The following ZNF728 variants were observed in gnomAD, a reference collection of about 807,000 sequenced individuals.
ZNF728 encodes the protein zinc finger protein 728.
ZNF728 carries 12 observed loss-of-function variants against 12.5 expected under a neutral mutation model. The ratio of observed to expected loss-of-function variants is 0.96; its 90% CI spans 0.61 to 1.55. The LOEUF is 1.55. Among genes scored for constraint, ZNF728 ranks in the 40% most tolerant of loss-of-function variants. The pLI is 0.00. For missense variants in ZNF728, 692 were observed against 719.2 expected (o/e 0.96, Z 0.43); for synonymous variants, 205 against 240.7 (o/e 0.85, Z 1.37).
intron 3 of ZNF728, among the ~76,000 whole-genome samples, chr19:22,980,298 T>TG (rs1968849008): frequency 6.6e-6 from 1 of 150,494 alleles, no homozygotes; most frequent in Non-Finnish European, 1.5e-5. Context: ...CATTACATAA[T>TG]GGTAAAGGGG....
chr19:22,987,290 G>A lies in ZNF728; in HGVS notation c.226+18C>T, dbSNP rs757241409. 8.2e-5 allele frequency: 131 copies of A among 1,607,164 alleles called. No homozygotes were observed. The highest frequency in any genetic ancestry group is 1.0e-4 in the Non-Finnish European group (123 of 1,176,412). The stretch of plus-strand genomic sequence containing the variant: ...TTTGGACCTCTCATCCATGTTGTCT[G>A]TATTCATTCTCACCTACCTGGCGGT... On this transcript the variant is annotated intron_variant, in intron 3 of 3. Coordinates refer to ENST00000594710, the MANE Select transcript of ZNF728 (RefSeq NM_001267716.2).
chr19:22,989,484 A>C (rs1251157762), intron 1 of ZNF728, among the ~76,000 whole-genome samples: 1 of 152,174 alleles, frequency 6.6e-6, no homozygotes, highest in Non-Finnish European at 1.5e-5. Flanking sequence ...CTGCATAAAG[A>C]TACTTAACGA....
At chr19:22,999,884 A>C (rs867988972) in intron 1 of ZNF728, among the ~76,000 whole-genome samples, 1 of 152,196 alleles carries the variant, frequency 6.6e-6, no homozygotes, top group Admixed American at 6.5e-5. Flanking sequence ...TAGCAAGTTT[A>C]CCCTGCAAAA....
In ZNF728 at chr19:22,976,201, C is replaced by T. The variant is rs1416476547; in HGVS notation, c.1136G>A (p.Trp379Ter). Reference sequence around the variant, plus strand: ...CTTGTGTTCAGTAAGGCTTGAGGGCCAGCTGAAGGCTTTGCCACATTCTTC... The same window carrying T: ...CTTGTGTTCAGTAAGGCTTGAGGGCTAGCTGAAGGCTTTGCCACATTCTTC... ...KCEECGKAFS[W>*]PSSLTEHKRI... is the part of the protein sequence containing the mutation. The change falls in exon 4 of 4, where the codon TGG becomes TAG. Residue 379 changes from tryptophan (W) to a stop codon, truncating the protein, a stop_gained. Coordinates refer to ENST00000594710, the MANE Select transcript of ZNF728 (RefSeq NM_001267716.2). LOFTEE classifies it low-confidence loss of function (END_TRUNC). 7 of 1,610,916 alleles carry T rather than the reference C, an allele frequency of 4.3e-6. No homozygotes were observed. The highest frequency in any genetic ancestry group is 5.1e-6 in the Non-Finnish European group (6 of 1,179,088).
chr19:22,998,354 T>TAAAAA (rs35334611), intron 1 of ZNF728, among the ~76,000 whole-genome samples: 2 of 138,084 alleles, frequency 1.4e-5, no homozygotes, highest in African/African-American at 5.2e-5. Flanking sequence ...ATCCCATCTA[T>TAAAAA]AAAAAAAAAA....
At chr19:22,989,682 C>T (rs1424707804) in intron 1 of ZNF728, among the ~76,000 whole-genome samples, 1 of 152,114 alleles carries the variant, frequency 6.6e-6, no homozygotes, top group Admixed American at 6.5e-5. Flanking sequence ...CATAAGGAAA[C>T]ATTAGTTTAA....
At chr19:22,984,605 CACACACACACATAT>C (rs1568275700) in intron 3 of ZNF728, among the ~76,000 whole-genome samples, 1 of 149,528 alleles carries the variant, frequency 6.7e-6, no homozygotes, top group African/African-American at 2.5e-5. Context: ...CACACACACA[CACACACACACATAT>C]ACACACACAT....
chr19:22,986,665 A>G (rs554587067), intron 3 of ZNF728, among the ~76,000 whole-genome samples: 1 of 152,262 alleles, frequency 6.6e-6, no homozygotes, highest in African/African-American at 2.4e-5. Flanking sequence ...CATATTATCC[A>G]AAGTGGTCTC....
intron 1 of ZNF728, among the ~76,000 whole-genome samples, chr19:22,993,057 T>C (rs1599532344): frequency 6.6e-6 from 1 of 152,186 alleles, no homozygotes; most frequent in Non-Finnish European, 1.5e-5. Context: ...CAGGTAGATA[T>C]AGTTGTGGTC....
chr19:22,975,664 T>A lies in ZNF728; in HGVS notation c.1673A>T (p.His558Leu). The change falls in exon 4 of 4, where the codon CAT becomes CTT. Residue 558 changes from histidine to leucine, a missense_variant. Transcript: ENST00000594710. Reference sequence around the variant, plus strand: ...ACATTTGTAGGGTTTCTCTCCAGTATGAATTCTCTTATGTTCACTAAGTCT... The same window carrying A: ...ACATTTGTAGGGTTTCTCTCCAGTAAGAATTCTCTTATGTTCACTAAGTCT... ...SSRLSEHKRI[H>L]TGEKPYKCEE... The A allele has an allele frequency of 6.2e-7, 1 of 1,612,162 alleles. No homozygotes were observed. The highest frequency in any genetic ancestry group is 8.5e-7 in the Non-Finnish European group (1 of 1,179,900).
chr19:22,984,514 G>C (rs1968892924), intron 3 of ZNF728, among the ~76,000 whole-genome samples: 1 of 143,574 alleles, frequency 7.0e-6, no homozygotes, highest in Admixed American at 7.2e-5. Flanking sequence ...AGCCAAGATT[G>C]TGCCGCTACA....
intron 1 of ZNF728, among the ~76,000 whole-genome samples, chr19:23,000,407 C>A (rs1969095644): frequency 1.3e-5 from 2 of 150,330 alleles, no homozygotes; most frequent in Admixed American, 1.3e-4. Context: ...AAAAAAAACA[C>A]CAGAGAAAAC....
intron 3 of ZNF728, among the ~76,000 whole-genome samples, chr19:22,980,198 G>GAAAAAAAAAAAAAAA (rs1568274736): frequency 1.1e-5 from 1 of 94,356 alleles, no homozygotes. Context: ...AAAAAAAAAA[G>GAAAAAAAAAAAAAAA]AAACAAAAAA....
At chr19:22,982,339 CA>C (rs1413072201) in intron 3 of ZNF728, among the ~76,000 whole-genome samples, 1 of 152,118 alleles carries the variant, frequency 6.6e-6, no homozygotes, top group Non-Finnish European at 1.5e-5. Flanking sequence ...AGGAGAACTA[CA>C]AACCACTGCT....
At position 22,974,972 on chromosome 19, in the gene ZNF728, T is replaced by C. The variant is rs1968777499; in HGVS notation, c.*496A>G. Among the ~76,000 whole-genome samples, 1 of 152,226 alleles carries C rather than the reference T, an allele frequency of 6.6e-6. No homozygotes were observed. The highest frequency in any genetic ancestry group is 1.9e-4 in the East Asian group (1 of 5,198). ...GTTAAATGTTTTGCCACATTGTTTA[T>C]TCTAGTAGTTTTCTCCAGTATGAGA... On this transcript the variant is annotated 3_prime_UTR_variant, in exon 4 of 4. Coordinates refer to ENST00000594710, the MANE Select transcript of ZNF728 (RefSeq NM_001267716.2).
chr19:23,000,139 C>A (rs1969092053), intron 1 of ZNF728, among the ~76,000 whole-genome samples: 1 of 151,840 alleles, frequency 6.6e-6, no homozygotes, highest in South Asian at 2.1e-4. Context: ...GGGGCCAAGG[C>A]AGGTGGATCA....
At position 22,976,222 on chromosome 19, in the gene ZNF728, T is replaced by G. The variant is rs770182533; in HGVS notation, c.1115A>C (p.Glu372Ala). The G allele has an allele frequency of 2.5e-6, 4 of 1,613,612 alleles. No homozygotes were observed. Among genetic ancestry groups the G allele is most frequent in the Non-Finnish European group, 3.4e-6 (4 of 1,179,830 alleles). Residue 372 changes from glutamate to alanine, a missense_variant, in exon 4 of 4, where the codon GAA (glutamate) becomes GCA (alanine). Glu to Ala is a moderately radical substitution (Grantham distance 107, BLOSUM62 -1). Coordinates refer to ENST00000594710, the MANE Select transcript of ZNF728 (RefSeq NM_001267716.2). Reference protein sequence around the residue: ...HTGEKPYKCEECGKAFSWPSS... With the variant: ...HTGEKPYKCEACGKAFSWPSS... Reference sequence around the variant, plus strand: ...GGGCCAGCTGAAGGCTTTGCCACATTCTTCACATTTGTAGGGTTTCTCTCC... The same window carrying G: ...GGGCCAGCTGAAGGCTTTGCCACATGCTTCACATTTGTAGGGTTTCTCTCC...
intron 1 of ZNF728, among the ~76,000 whole-genome samples, chr19:22,993,234 T>C (rs1201913560): frequency 2.0e-5 from 3 of 152,236 alleles, no homozygotes; most frequent in Non-Finnish European, 4.4e-5. Context: ...AAAATGTCTA[T>C]GTTGATATCT....
At chr19:22,998,623 C>G in intron 1 of ZNF728, among the ~76,000 whole-genome samples, 1 of 152,172 alleles carries the variant, frequency 6.6e-6, no homozygotes, top group Non-Finnish European at 1.5e-5. Context: ...TCTGATAGAG[C>G]TACTCACAGA....
Sources: allele counts gnomAD v4.1 joint callset (sites outside exome capture counted in the v4.1 genomes callset), GRCh38; gene constraint gnomAD v4.1.1; transcripts MANE v1.5; gene names NCBI Gene and HGNC (gene_info 2026-07-23, HGNC 2026-07-21).